Variants in KIZ observed in about 807,000 individuals in gnomAD.
The protein encoded by KIZ is kizuna centrosomal protein.
A neutral mutation model predicts 79.6 loss-of-function variants in KIZ; 68 were observed. The observed-to-expected ratio is 0.85, with a 90% CI of 0.70 to 1.05. KIZ has a LOEUF of 1.05. Among genes scored for constraint, KIZ ranks in the 50% least tolerant of loss-of-function variants. KIZ has a pLI of 0.00. For missense variants in KIZ, 797 were observed against 800.4 expected, an observed-to-expected ratio of 1.00 and a Z score of 0.05; for synonymous variants, 280 against 281.8, an observed-to-expected ratio of 0.99 and a Z score of 0.06.
Position 21,160,770 on chromosome 20 carries a change from G to C in KIZ, c.406-1101G>C, listed in dbSNP as rs2122669478. On this transcript the variant is annotated intron_variant, in intron 4 of 12. Coordinates refer to ENST00000619189, the MANE Select transcript of KIZ (RefSeq NM_018474.6). ...GACTTTGGGAAGTGATTAAATCAAG[G>C]GGGCAGAGCCTTCATGGGTGGGATT... The C allele has an allele frequency of 1.3e-5, 2 of 152,204 alleles. 1 individual carries two copies. Among genetic ancestry groups the C allele is most frequent in the South Asian group, 4.2e-4 (2 of 4,812 alleles). 9.4% of individuals were successfully genotyped at this position (152,204 alleles called of 1,614,324 possible). A position where few individuals can be genotyped will look rare whatever the true frequency, so the allele number is the denominator to read the frequency against.
intron 6 of KIZ, among the ~76,000 whole-genome samples, chr20:21,200,122 G>A (rs2035530280): frequency 6.6e-6 from 1 of 152,098 alleles, no homozygotes. Flanking sequence ...CACTGGCCTA[G>A]TGTCATAGAA....
At chr20:21,165,617 T>C (rs967362361) in intron 6 of KIZ, among the ~76,000 whole-genome samples, 2 of 152,106 alleles carry the variant, frequency 1.3e-5, no homozygotes, top group African/African-American at 4.8e-5. Flanking sequence ...GAAGTGTAGA[T>C]GGCCCTGAGA....
intron 9 of KIZ, among the ~76,000 whole-genome samples, chr20:21,219,415 T>C (rs2036427218): frequency 6.6e-6 from 1 of 152,010 alleles, no homozygotes; most frequent in African/African-American, 2.4e-5. Context: ...TCTCCTGGGC[T>C]CAAGTGATCT....
Position 21,149,736 on chromosome 20 carries a change from T to C in KIZ, c.405+4082T>C, listed in dbSNP as rs1262231732. ...CCATTCATAAGACCAAGGCAGCCAC[T>C]GTAGGACCTGGCTCATCTCCAAGGA... On this transcript the variant is annotated intron_variant, in intron 4 of 12. Transcript: ENST00000619189. Among the ~76,000 whole-genome samples, 3 of 152,198 alleles carry C rather than the reference T, an allele frequency of 2.0e-5. 1 individual carries two copies. Among genetic ancestry groups the C allele is most frequent in the Non-Finnish European group, 1.5e-5 (1 of 68,032 alleles).
At chr20:21,174,763 A>G (rs1234996305) in intron 6 of KIZ, among the ~76,000 whole-genome samples, 1 of 152,240 alleles carries the variant, frequency 6.6e-6, no homozygotes, top group Admixed American at 6.5e-5. Flanking sequence ...TAAAAATGTG[A>G]TCACACAGAT....
intron 11 of KIZ, among the ~76,000 whole-genome samples, chr20:21,238,857 T>C (rs1221946436): frequency 6.6e-6 from 1 of 152,192 alleles, no homozygotes; most frequent in Non-Finnish European, 1.5e-5. Flanking sequence ...TTTCCCTGTC[T>C]CTTCCCATTT....
intron 3 of KIZ, among the ~76,000 whole-genome samples, chr20:21,142,405 T>G (rs2032604669): frequency 6.6e-6 from 1 of 152,138 alleles, no homozygotes; most frequent in African/African-American, 2.4e-5. Context: ...GCATTGAGAC[T>G]TCCCCCTTGA....
intron 11 of KIZ, among the ~76,000 whole-genome samples, 185 bp from the exon 12 acceptor site, chr20:21,244,060 C>G (rs754414230): frequency 1.3e-5 from 2 of 152,152 alleles, no homozygotes; most frequent in Non-Finnish European, 2.9e-5. Context: ...TGTTGAGTAG[C>G]GACCCTCCCG....
intron 6 of KIZ, among the ~76,000 whole-genome samples, chr20:21,175,146 G>C (rs2034379067): frequency 6.6e-6 from 1 of 152,140 alleles, no homozygotes; most frequent in Non-Finnish European, 1.5e-5. Flanking sequence ...TATACTTCTG[G>C]AAAAATAACC....
In KIZ at chr20:21,212,908, A is replaced by G. The variant is rs182742938; in HGVS notation, c.1447-1627A>G. On this transcript the variant is annotated intron_variant, in intron 7 of 12. Transcript: ENST00000619189. ...CTACCCCTAGACTGCAGAAATGGGA[A>G]TACTGAGCAAGTCATCCCAACAGAG... 1.3e-3 allele frequency among the ~76,000 whole-genome samples: 198 copies of G among 152,324 alleles called. 3 individuals carry two copies. The highest frequency in any genetic ancestry group is 9.2e-3 in the Admixed American group (141 of 15,302).
chr20:21,146,313 C>T (rs1220704084), intron 4 of KIZ, among the ~76,000 whole-genome samples: 1 of 152,188 alleles, frequency 6.6e-6, no homozygotes, highest in Non-Finnish European at 1.5e-5. Context: ...GAAACCCCCT[C>T]AGCCAGTCGA....
At chr20:21,173,329 A>G (rs915923679) in intron 6 of KIZ, among the ~76,000 whole-genome samples, 24 of 151,886 alleles carry the variant, frequency 1.6e-4, no homozygotes, top group Non-Finnish European at 2.8e-4. Context: ...TGTAATCCCA[A>G]CACTTTGGGA....
At chr20:21,142,051 C>G (rs536517297) in intron 3 of KIZ, among the ~76,000 whole-genome samples, 2 of 151,534 alleles carry the variant, frequency 1.3e-5, no homozygotes, top group African/African-American at 2.4e-5. Flanking sequence ...CCATATCTTC[C>G]CACTGTCTCT....
In KIZ at chr20:21,166,554, T is replaced by C; in HGVS notation, c.1352+3395T>C. ...CGTTTGCCTCTCTTTTCGGCATTGT[T>C]GATGGTCTTGAGAGCATCTGCCAGG... On this transcript the variant is annotated intron_variant, in intron 6 of 12. Coordinates refer to ENST00000619189, the MANE Select transcript of KIZ (RefSeq NM_018474.6). 2.8e-6 allele frequency: 4 copies of C among 1,450,206 alleles called. No individual in the cohort carries two copies. In the Admixed American group the frequency reaches 6.7e-5, roughly 24 times the overall value. The allele number at this position is 1,450,206 out of a possible 1,614,324, so 89.8% of individuals were successfully genotyped here. A position where few individuals can be genotyped will look rare whatever the true frequency, so the allele number is the denominator to read the frequency against.
intron 6 of KIZ, among the ~76,000 whole-genome samples, chr20:21,173,065 C>T (rs2034282861): frequency 6.6e-6 from 1 of 152,046 alleles, no homozygotes; most frequent in African/African-American, 2.4e-5. Flanking sequence ...TGTGAAGGGT[C>T]AGTAGGCTGA....
intron 6 of KIZ, among the ~76,000 whole-genome samples, chr20:21,199,013 G>A (rs1209158621): frequency 6.6e-6 from 1 of 152,140 alleles, no homozygotes; most frequent in Non-Finnish European, 1.5e-5. Context: ...ATATCTGTTT[G>A]TATACTATTT....
At chr20:21,183,121 G>C (rs2034728768) in intron 6 of KIZ, among the ~76,000 whole-genome samples, 1 of 152,234 alleles carries the variant, frequency 6.6e-6, no homozygotes, top group Non-Finnish European at 1.5e-5. Context: ...AAGGTTAGTA[G>C]ATGCAGAGAA....
chr20:21,150,911 C>T (rs574869700), intron 4 of KIZ: 2 of 152,162 alleles, frequency 1.3e-5, no homozygotes, highest in South Asian at 2.1e-4. Flanking sequence ...ATGTGGTGTT[C>T]GAGGGCAGAT....
chr20:21,173,453 C>G (rs901804165), intron 6 of KIZ, among the ~76,000 whole-genome samples: 1 of 151,842 alleles, frequency 6.6e-6, no homozygotes, highest in Non-Finnish European at 1.5e-5. Flanking sequence ...TGGCGGGTGC[C>G]TGTAATCCCA....
Sources: gnomAD v4.1 joint callset for allele counts (sites outside exome capture counted in the v4.1 genomes callset) on GRCh38, gnomAD v4.1.1 for gene constraint, MANE v1.5 for transcripts, NCBI Gene and HGNC (gene_info 2026-07-23, HGNC 2026-07-21) for gene names.